ZNF717: variants seen among roughly 807,000 people sequenced by gnomAD.
ZNF717 encodes the protein zinc finger protein 717.
ZNF717 carries 9 observed loss-of-function variants against 13.8 expected under a neutral mutation model. The observed-to-expected ratio is 0.65, with a 90% CI of 0.39 to 1.14. The LOEUF is 1.14. Ranked by LOEUF, ZNF717 falls within the 50% of genes most tolerant of loss-of-function variation. The pLI is 0.01. For synonymous variants in ZNF717, 327 were observed against 364.1 expected, an observed-to-expected ratio of 0.90 and a Z score of 1.16; for missense variants, 1,040 against 1,080.7, an observed-to-expected ratio of 0.96 and a Z score of 0.53.
At position 75,713,238 on chromosome 3, in the gene ZNF717, C is replaced by T. The variant is rs1311301211; in HGVS notation, n.668-1922G>A. Among the ~76,000 whole-genome samples, 13 of 152,212 alleles carry T rather than the reference C, an allele frequency of 8.5e-5. No homozygotes were observed. The East Asian group carries it at 1.9e-3, about 23-fold the overall frequency. On this transcript the variant is annotated intron_variant and non_coding_transcript_variant, in intron 5 of 5. Coordinates refer to the ZNF717 transcript ENST00000491507. ...CAATCACAGTTCACTGCAGCCTCAA[C>T]CTCCTGGGCTCAAGCAATCCTCCCA...
At chr3:75,755,031 T>C (rs184211720) in intron 2 of ZNF717, among the ~76,000 whole-genome samples, 554 of 152,164 alleles carry the variant, frequency 3.6e-3, no homozygotes, top group Middle Eastern at 6.8e-3. Flanking sequence ...AAGAAGACAG[T>C]GAAATGGAAA....
intron 2 of ZNF717, among the ~76,000 whole-genome samples, chr3:75,769,601 T>C (rs1437936630): frequency 6.6e-6 from 1 of 152,222 alleles, no homozygotes; most frequent in African/African-American, 2.4e-5. Flanking sequence ...ATCTGAAACA[T>C]GGCATGTGGA....
chr3:75,724,009 A>C (rs78016001), intron 4 of ZNF717, among the ~76,000 whole-genome samples: 1 of 152,036 alleles, frequency 6.6e-6, no homozygotes, highest in Admixed American at 6.6e-5. Flanking sequence ...TAGCAGTAGC[A>C]GAATTAGTGA....
Position 75,780,351 on chromosome 3 carries a change from A to G in ZNF717, c.57+2955T>C, listed in dbSNP as rs546501158. On this transcript the variant is annotated intron_variant, in intron 2 of 4. Coordinates refer to ENST00000652011, the MANE Select transcript of ZNF717 (RefSeq NM_001290208.3). The stretch of plus-strand genomic sequence containing the variant: ...AACAATGGTAACTAACAGTAGTGCT[A>G]AGGCCCTACATTTTGGTCACACTCT... 2.6e-5 allele frequency among the ~76,000 whole-genome samples: 4 copies of G among 152,358 alleles called. No homozygotes were observed. The East Asian group carries it at 7.7e-4, about 29-fold the overall frequency.
At chr3:75,711,528 G>A (rs1462964236) in intron 5 of ZNF717, among the ~76,000 whole-genome samples, 1 of 152,150 alleles carries the variant, frequency 6.6e-6, no homozygotes, top group Non-Finnish European at 1.5e-5. Flanking sequence ...AGGCACAGTG[G>A]CTCACATCTG....
At chr3:75,709,806 C>G (rs1406514027) in exon 6 of ZNF717, 2 of 152,176 alleles carry the variant, frequency 1.3e-5, no homozygotes, top group Non-Finnish European at 2.9e-5. Context: ...ACAACTTTCA[C>G]GTTTCCCTTT....
chr3:75,783,914 CAT>C (rs1158650682), intron 1 of ZNF717, among the ~76,000 whole-genome samples: 1 of 152,198 alleles, frequency 6.6e-6, no homozygotes, highest in Non-Finnish European at 1.5e-5. Flanking sequence ...CCATTCTACT[CAT>C]GTTTCCCAAT....
chr3:75,713,222 T>C (rs1937980782), intron 5 of ZNF717, among the ~76,000 whole-genome samples: 1 of 152,054 alleles, frequency 6.6e-6, no homozygotes, highest in South Asian at 2.1e-4. Flanking sequence ...ACAATCACAG[T>C]TCACTGCAGC....
At position 75,737,481 on chromosome 3, in the gene ZNF717, T is replaced by C; in HGVS notation, c.2142A>G (p.Arg714=). The C allele has an allele frequency of 6.4e-7, 1 of 1,554,752 alleles. No homozygotes were observed. The highest frequency in any genetic ancestry group is 1.2e-5 in the South Asian group (1 of 84,246). Reference sequence around the variant, plus strand: ...CCTTGATGCTTCTGAAGATTTGCCTTCTGATGAAAGGATTTTCCACATTCA... The same window carrying C: ...CCTTGATGCTTCTGAAGATTTGCCTCCTGATGAAAGGATTTTCCACATTCA... ...NVMNVENPFI[R]RQIFRSIKVF... is the part of the protein sequence containing the mutation. Residue 714 remains arginine, a synonymous_variant, in exon 5 of 5, where the codon AGA becomes AGG. Coordinates refer to ENST00000652011, the MANE Select transcript of ZNF717 (RefSeq NM_001290208.3).
chr3:75,774,189 C>CAAAAAAAAAAAAAAAAAAAA (rs528249551), intron 2 of ZNF717, among the ~76,000 whole-genome samples: 1 of 130,244 alleles, frequency 7.7e-6, no homozygotes, highest in African/African-American at 2.8e-5. Context: ...AATAAACTAC[C>CAAAAAAAAAAAAAAAAAAAA]AAAAAAAAAA....
At chr3:75,757,592 C>A (rs1023466743) in intron 2 of ZNF717, among the ~76,000 whole-genome samples, 1 of 152,200 alleles carries the variant, frequency 6.6e-6, no homozygotes, top group African/African-American at 2.4e-5. Context: ...ATATTGTTTT[C>A]ATGCCTACTA....
intron 6 of ZNF717, among the ~76,000 whole-genome samples, chr3:75,703,096 A>G (rs1185509434): frequency 2.0e-5 from 3 of 152,266 alleles, no homozygotes; most frequent in South Asian, 2.1e-4. Flanking sequence ...CAGCCTTATT[A>G]AATTTGATTT....
chr3:75,715,686 T>C (rs1223819950), intron 5 of ZNF717, among the ~76,000 whole-genome samples: 1 of 152,128 alleles, frequency 6.6e-6, no homozygotes, highest in Non-Finnish European at 1.5e-5. Context: ...TATAAAGCCA[T>C]TAATTTGAAA....
At chr3:75,739,864 C>T (rs1487840603) in intron 4 of ZNF717, among the ~76,000 whole-genome samples, 1 of 152,204 alleles carries the variant, frequency 6.6e-6, no homozygotes, top group Non-Finnish European at 1.5e-5. Flanking sequence ...TAACCTTTCA[C>T]TCCTCCCTGA....
intron 6 of ZNF717, among the ~76,000 whole-genome samples, chr3:75,700,201 G>A: frequency 6.6e-6 from 1 of 152,312 alleles, no homozygotes; most frequent in Non-Finnish European, 1.5e-5. Context: ...AGACCAGCCT[G>A]GCCAACTTGG....
chr3:75,754,127 A>C, intron 2 of ZNF717, among the ~76,000 whole-genome samples: 1 of 152,378 alleles, frequency 6.6e-6, no homozygotes, highest in African/African-American at 2.4e-5. Flanking sequence ...CTGGCACTTT[A>C]GTCTTGGACT....
chr3:75,711,003 C>A (rs1352205134), exon 6 of ZNF717: 1 of 152,046 alleles, frequency 6.6e-6, no homozygotes, highest in Non-Finnish European at 1.5e-5. Context: ...TTTGGGCCTG[C>A]CAGGAAGTGA....
intron 2 of ZNF717, among the ~76,000 whole-genome samples, chr3:75,774,246 T>C (rs1294792650): frequency 6.6e-6 from 1 of 151,574 alleles, no homozygotes; most frequent in Non-Finnish European, 1.5e-5. Flanking sequence ...AAGTCTTCCC[T>C]CTATCAATGA....
intron 2 of ZNF717, among the ~76,000 whole-genome samples, chr3:75,747,844 G>C (rs1332640677): frequency 6.7e-6 from 1 of 149,350 alleles, no homozygotes. Context: ...ACTAAGATCA[G>C]AGCAGAAGTG....
Sources: gnomAD v4.1 joint callset for allele counts (sites outside exome capture counted in the v4.1 genomes callset) on GRCh38, gnomAD v4.1.1 for gene constraint, MANE v1.5 for transcripts, NCBI Gene and HGNC (gene_info 2026-07-23, HGNC 2026-07-21) for gene names.